The following MBP variants were observed in gnomAD, a reference collection of about 807,000 sequenced individuals.
MBP encodes myelin basic protein.
A neutral mutation model predicts 35.8 loss-of-function variants in MBP; 16 were observed. The ratio of observed to expected loss-of-function variants is 0.45; its 90% CI spans 0.30 to 0.68. The LOEUF (loss-of-function observed/expected upper bound fraction) is 0.68. Among genes scored for constraint, MBP ranks in the 30% least tolerant of loss-of-function variants. The pLI, the probability that MBP is intolerant of heterozygous loss-of-function variation, is 0.08. For synonymous variants in MBP, 143 were observed against 159.6 expected (o/e 0.90, Z 0.78); for missense variants, 380 against 404.7 (o/e 0.94, Z 0.52).
At chr18:77,068,610 C>T (rs762231476) in intron 2 of MBP, among the ~76,000 whole-genome samples, 2 of 152,186 alleles carry the variant, frequency 1.3e-5, no homozygotes, top group African/African-American at 2.4e-5. Context: ...AAGGTGTTCA[C>T]ATTTGTTGTA....
chr18:77,086,780 A>G (rs1305933962), intron 2 of MBP, among the ~76,000 whole-genome samples: 1 of 152,250 alleles, frequency 6.6e-6, no homozygotes, highest in Non-Finnish European at 1.5e-5. Context: ...CAAAAAAGGC[A>G]TGAGCTATTA....
intron 1 of MBP, among the ~76,000 whole-genome samples, chr18:77,126,795 G>A (rs1005183880): frequency 1.3e-5 from 2 of 152,076 alleles, no homozygotes; most frequent in African/African-American, 4.8e-5. Context: ...ATGCCCCAAA[G>A]AAAATAAAAC....
At chr18:77,100,397 T>C (rs1054573699) in intron 2 of MBP, among the ~76,000 whole-genome samples, 7 of 152,192 alleles carry the variant, frequency 4.6e-5, no homozygotes, top group Admixed American at 2.0e-4. Context: ...TGCTATTTTG[T>C]TATGGCAGCC....
intron 1 of MBP, among the ~76,000 whole-genome samples, chr18:77,112,425 G>A (rs1976497033): frequency 6.6e-6 from 1 of 152,216 alleles, no homozygotes; most frequent in Admixed American, 6.5e-5. Flanking sequence ...ACTGACGCTG[G>A]GTGCGCCGGC....
At chr18:76,994,557 T>A (rs1458548191) in intron 4 of MBP, among the ~76,000 whole-genome samples, 1 of 152,222 alleles carries the variant, frequency 6.6e-6, no homozygotes, top group African/African-American at 2.4e-5. Flanking sequence ...TTGCTTTGAA[T>A]GATAAAAGAA....
intron 2 of MBP, among the ~76,000 whole-genome samples, chr18:77,091,605 ACACACC>A (rs1459671644): frequency 2.0e-5 from 3 of 151,238 alleles, no homozygotes; most frequent in Admixed American, 6.6e-5. Context: ...ACACACACAC[ACACACC>A]CACCCACCCA....
chr18:77,039,869 G>A (rs1972915453), intron 3 of MBP, among the ~76,000 whole-genome samples: 1 of 152,178 alleles, frequency 6.6e-6, no homozygotes, highest in African/African-American at 2.4e-5. Flanking sequence ...CCGGTCACCC[G>A]AATACAGTTC....
chr18:77,069,949 G>A lies in MBP; in HGVS notation c.52-3564C>T, dbSNP rs138137668. 1.4e-4 allele frequency among the ~76,000 whole-genome samples: 21 copies of A among 152,250 alleles called. No individual in the cohort carries two copies. The East Asian group carries it at 4.0e-3, about 29-fold the overall frequency. On this transcript the variant is annotated intron_variant, in intron 2 of 8. Transcript: ENST00000355994. ...ATCTCTAGGTCATACAGGGACACAGGACGCGTGCAGAAAGTACATACGGGC... is the reference window on the plus strand; with the variant it reads ...ATCTCTAGGTCATACAGGGACACAGAACGCGTGCAGAAAGTACATACGGGC...
At chr18:77,025,779 G>A (rs1229168681) in intron 3 of MBP, among the ~76,000 whole-genome samples, 1 of 130,904 alleles carries the variant, frequency 7.6e-6, no homozygotes, top group Non-Finnish European at 1.5e-5. Context: ...AAATCACATC[G>A]CACAAGTAAC....
chr18:77,100,012 C>T (rs765933587), intron 2 of MBP, among the ~76,000 whole-genome samples: 30 of 152,314 alleles, frequency 2.0e-4, no homozygotes, highest in South Asian at 6.2e-4. Context: ...ATTGTGCAGC[C>T]GCTGCTGGGG....
chr18:77,045,037 A>T (rs1338322776), intron 3 of MBP, among the ~76,000 whole-genome samples: 7 of 151,944 alleles, frequency 4.6e-5, no homozygotes, highest in Non-Finnish European at 1.0e-4. Flanking sequence ...TGATAAGCGG[A>T]TAGATACGAT....
intron 3 of MBP, among the ~76,000 whole-genome samples, chr18:77,047,079 A>G (rs1973287818): frequency 6.6e-6 from 1 of 152,236 alleles, no homozygotes; most frequent in South Asian, 2.1e-4. Context: ...GGAAAGTCTA[A>G]ATGAACAAAC....
intron 3 of MBP, among the ~76,000 whole-genome samples, chr18:77,039,299 C>G (rs1972891889): frequency 6.6e-6 from 1 of 152,154 alleles, no homozygotes; most frequent in Non-Finnish European, 1.5e-5. Context: ...GCAGGGGTGA[C>G]TAGTTGGTGC....
At chr18:77,055,988 C>T (rs1009265496) in intron 3 of MBP, among the ~76,000 whole-genome samples, 67 of 152,406 alleles carry the variant, frequency 4.4e-4, no homozygotes, top group African/African-American at 1.5e-3. Flanking sequence ...ACTCCTCTTA[C>T]ACATCCCTGT....
chr18:76,997,811 T>C (rs1261920), intron 4 of MBP, among the ~76,000 whole-genome samples: 102,037 of 151,122 alleles, frequency 0.68, 35,169 homozygotes, highest in Non-Finnish European at 0.74. Flanking sequence ...ACCTCCCGAG[T>C]AGCTGGGACT....
chr18:76,999,461 ATT>A (rs113779985), intron 4 of MBP, among the ~76,000 whole-genome samples: 6 of 144,406 alleles, frequency 4.2e-5, no homozygotes, highest in Admixed American at 6.9e-5. Flanking sequence ...TAGTTTAGGT[ATT>A]TTTTTTTTTT....
intron 4 of MBP, among the ~76,000 whole-genome samples, chr18:77,011,918 T>C (rs1210677386): frequency 6.6e-6 from 1 of 152,252 alleles, no homozygotes; most frequent in Non-Finnish European, 1.5e-5. Context: ...GTGTGTTTTT[T>C]TCTAAGGATG....
At position 77,120,721 on chromosome 18, in the gene MBP, C is replaced by T. The variant is rs182361347; in HGVS notation, c.-26+11859G>A. The stretch of plus-strand genomic sequence containing the variant: ...ATTGGGATTCGGAAAACCACGTTAC[C>T]GACCTTTGGAGCTGTCCTCTGAGCA... On this transcript the variant is annotated intron_variant, in intron 1 of 8. Transcript: ENST00000355994. Among the ~76,000 whole-genome samples the T allele has an allele frequency of 9.1e-4, 138 of 152,230 alleles. 1 individual carries two copies. The highest frequency in any genetic ancestry group is 2.7e-3 in the African/African-American group (113 of 41,540).
At chr18:76,992,452 A>G (rs1969987332) in intron 4 of MBP, among the ~76,000 whole-genome samples, 1 of 152,108 alleles carries the variant, frequency 6.6e-6, no homozygotes, top group Admixed American at 6.6e-5. Flanking sequence ...ACAGAGCGGT[A>G]CCGGTCCAGG....
Sources: gnomAD v4.1 joint callset for allele counts (sites outside exome capture counted in the v4.1 genomes callset) on GRCh38, gnomAD v4.1.1 for gene constraint, MANE v1.5 for transcripts, NCBI Gene and HGNC (gene_info 2026-07-23, HGNC 2026-07-21) for gene names.